RAVER1: variants seen among roughly 807,000 people sequenced by gnomAD.
The protein encoded by RAVER1 is ribonucleoprotein PTB-binding 1.
In RAVER1, 36 loss-of-function variants were observed where a neutral mutation model predicts 68.4. That is an observed-to-expected ratio of 0.53 (90% CI 0.40 to 0.70). The LOEUF (loss-of-function observed/expected upper bound fraction) is 0.70. RAVER1 is among the 30% of genes least tolerant of loss of function. The pLI is 0.00. For synonymous variants in RAVER1, 469 were observed against 472.7 expected, an observed-to-expected ratio of 0.99 and a Z score of 0.10; for missense variants, 933 against 1,019.8, an observed-to-expected ratio of 0.91 and a Z score of 1.16.
rs772005590 is a variant in RAVER1, at chr19:10,320,846, G to A, written c.1579C>T (p.Arg527Trp). ...PASNLAGKEA[R>W]GWGGAGRSRR... ...CTTCTCCCGGCGCCTCCCCAGCCCC[G>A]GGCCTCCTTACCCGCCAGGTTGCTG... The change falls in exon 9 of 13, where the codon CGG (arginine) becomes TGG (tryptophan). Residue 527 changes from arginine (R) to tryptophan (W), a missense_variant. Physicochemically the swap from Arg to Trp is moderately radical, Grantham distance 101. Coordinates refer to ENST00000617231, the MANE Select transcript of RAVER1 (RefSeq NM_133452.3). 5.3e-6 allele frequency: 8 copies of A among 1,513,126 alleles called. No individual in the cohort carries two copies. The Admixed American group carries it at 7.2e-5, about 14-fold the overall frequency. The allele number at this position is 1,513,126 out of a possible 1,614,324, so 93.7% of individuals were successfully genotyped here. A position where few individuals can be genotyped will look rare whatever the true frequency, so the allele number is the denominator to read the frequency against.
rs1329857446 is a variant in RAVER1, at chr19:10,317,509, TGG to T, written c.2163_2164del (p.Gln722GlyfsTer25). 3 of 1,613,366 alleles carry T rather than the reference TGG, an allele frequency of 1.9e-6. No homozygotes were observed. The highest frequency in any genetic ancestry group is 2.5e-6 in the Non-Finnish European group (3 of 1,179,354). On this transcript the variant is annotated frameshift_variant, in exon 13 of 13. Transcript: ENST00000617231. LOFTEE classifies it high-confidence loss of function. The surrounding 1 kb of genome is among the most constrained non-coding windows in gnomAD (Gnocchi z 4.3). ...GTCCGCGTAGTGGCCGCCGAGGCCC[TGG>T]GAGTGCTGGCCCACATAGCTGCCTT... is the stretch of plus-strand genomic sequence containing the variant.
chr19:10,317,361 G>T lies in RAVER1; in HGVS notation c.*93C>A. 1 of 1,361,190 alleles carries T rather than the reference G, an allele frequency of 7.3e-7. No individual in the cohort carries two copies. The highest frequency in any genetic ancestry group is 1.0e-6 in the Non-Finnish European group (1 of 958,940). The allele number at this position is 1,361,190 out of a possible 1,614,324, so 84.3% of individuals were successfully genotyped here. ...CAGAGATTTTTCTATTACCGAAAGA[G>T]AGAAAATGGTTTAAAAAAAACACAA... On this transcript the variant is annotated 3_prime_UTR_variant, in exon 13 of 13. Coordinates refer to ENST00000617231, the MANE Select transcript of RAVER1 (RefSeq NM_133452.3). The surrounding 1 kb of genome is among the most constrained non-coding windows in gnomAD (Gnocchi z 4.3).
At position 10,318,367 on chromosome 19, in the gene RAVER1, G is replaced by A. The variant is rs1357398976; in HGVS notation, c.1851C>T (p.Ser617=). The A allele has an allele frequency of 6.3e-7, 1 of 1,597,184 alleles. No individual in the cohort carries two copies. The highest frequency in any genetic ancestry group is 8.5e-7 in the Non-Finnish European group (1 of 1,174,118). Residue 617 remains serine (S), a synonymous_variant, in exon 11 of 13, where the codon TCC becomes TCT. Coordinates refer to ENST00000617231, the MANE Select transcript of RAVER1 (RefSeq NM_133452.3). Reference sequence around the variant, plus strand: ...GTTCGCCGAAGCCACTGGGCGGGGGGGACATCTGTAGAAGAAGGGCCGGTG... The same window carrying A: ...GTTCGCCGAAGCCACTGGGCGGGGGAGACATCTGTAGAAGAAGGGCCGGTG... The part of the protein sequence containing the change: ...GPHGPSRHKM[S]PPPSGFGERS...
At chr19:10,326,892 G>GA (rs1469161047) in intron 3 of RAVER1, among the ~76,000 whole-genome samples, 1 of 151,074 alleles carries the variant, frequency 6.6e-6, no homozygotes. Context: ...TCAGCCTCCT[G>GA]AGTAGCTGGG....
rs183670781 is a variant in RAVER1 at position 10,329,844 on chromosome 19, C to T, written c.286+616G>A. Among the ~76,000 whole-genome samples the T allele has an allele frequency of 1.5e-4, 23 of 152,210 alleles. No homozygotes were observed. The East Asian group carries it at 3.7e-3, about 24-fold the overall frequency. ...CATCTCACCGCTGCCACCCGGACCA[C>T]GCCAGGCACACTCCAGAGGGGCCTT... On this transcript the variant is annotated intron_variant, in intron 2 of 12. Transcript: ENST00000617231. The surrounding 1 kb of genome is among the most constrained non-coding windows in gnomAD (Gnocchi z 4.6).
Position 10,322,489 on chromosome 19 carries a change from G to A in RAVER1, c.1173+156C>T. The A allele has an allele frequency of 1.8e-6, 1 of 557,170 alleles. No individual in the cohort carries two copies. Among genetic ancestry groups the A allele is most frequent in the Non-Finnish European group, 3.1e-6 (1 of 319,234 alleles). The allele number at this position is 557,170 out of a possible 1,614,324, so 34.5% of individuals were successfully genotyped here. The stretch of plus-strand genomic sequence containing the variant: ...TTGCCAGAGGGGGATGGGGATGTGG[G>A]TGGGAAAGGCAGGGGTTTGGGGGAG... On this transcript the variant is annotated intron_variant, in intron 6 of 12. Transcript: ENST00000617231. This position sits in a 1 kb window ranked among gnomAD's most constrained non-coding sequence, Gnocchi z 4.3.
At position 10,331,389 on chromosome 19, in the gene RAVER1, AC is replaced by A. The variant is rs1488342707; in HGVS notation, c.220-864del. On this transcript the variant is annotated intron_variant, in intron 1 of 12. Coordinates refer to ENST00000617231, the MANE Select transcript of RAVER1 (RefSeq NM_133452.3). ...AAAAAAAAAAAAAAAAAAAATAACA[AC>A]AACAAAAAAAAAAAAAAAAAAAGAG... Among the ~76,000 whole-genome samples the A allele has an allele frequency of 1.3e-3, 118 of 92,142 alleles. 5 individuals carry two copies. The highest frequency in any genetic ancestry group is 1.7e-3 in the Non-Finnish European group (78 of 45,578). 60.4% of individuals were successfully genotyped at this position (92,142 alleles called of 152,430 possible).
Position 10,321,068 on chromosome 19 carries a change from G to T in RAVER1, c.1453C>A (p.Pro485Thr). ...GLRGLQKDSG[P>T]LPTPPGVSLL... ...CTTACCCCAGGGGGCGTCGGCAGAG[G>T]CCCACTGTCTTTCTGGAGGCCTCTG... The change falls in exon 8 of 13, where the codon CCT (proline) becomes ACT (threonine). Residue 485 changes from proline to threonine, a missense_variant. This residue lies in a region of RAVER1 where 699 missense variants were observed against 731.1 expected (regional missense o/e 0.96). Transcript: ENST00000617231. 7.3e-7 allele frequency: 1 copy of T among 1,371,568 alleles called. No individual in the cohort carries two copies. The highest frequency in any genetic ancestry group is 9.4e-7 in the Non-Finnish European group (1 of 1,064,210). 85.0% of individuals were successfully genotyped at this position (1,371,568 alleles called of 1,614,324 possible).
At position 10,318,341 on chromosome 19, in the gene RAVER1, C is replaced by A. The variant is rs372854558; in HGVS notation, c.1877G>T (p.Arg626Leu). 118 of 1,602,404 alleles carry A rather than the reference C, an allele frequency of 7.4e-5. No homozygotes were observed. Among genetic ancestry groups the A allele is most frequent in the Non-Finnish European group, 9.7e-5 (114 of 1,176,034 alleles). The change falls in exon 11 of 13, where the codon CGG (arginine) becomes CTG (leucine). Residue 626 changes from arginine to leucine, a missense_variant. Transcript: ENST00000617231. ...GCCCCCGCCACTCCCACCGCTGCTC[C>A]GTTCGCCGAAGCCACTGGGCGGGGG... is the stretch of plus-strand genomic sequence containing the variant. ...MSPPPSGFGE[R>L]SSGGSGGGPL...
chr19:10,320,599 T>C, intron 9 of RAVER1, 56 bp downstream of exon 9: 9 of 1,455,234 alleles, frequency 6.2e-6, no homozygotes, highest in African/African-American at 2.9e-5. Flanking sequence ...TAGAGAAATA[T>C]CAGTTTGGAG....
chr19:10,322,696 T>C lies in RAVER1; in HGVS notation c.1122A>G (p.Pro374=), dbSNP rs777338064. Reference sequence around the variant, plus strand: ...GCTGCAACAGCGCCGTGGACAGGGCTGGCCCATTGAGCAGCGGCATGGCTG... The same window carrying C: ...GCTGCAACAGCGCCGTGGACAGGGCCGGCCCATTGAGCAGCGGCATGGCTG... ...APPAMPLLNG[P]ALSTALLQLA... Residue 374 remains proline (P), a synonymous_variant, in exon 6 of 13, where the codon CCA becomes CCG. Transcript: ENST00000617231. This position sits in a 1 kb window ranked among gnomAD's most constrained non-coding sequence, Gnocchi z 4.3. 3.3e-6 allele frequency: 5 copies of C among 1,536,396 alleles called. No individual in the cohort carries two copies. Among genetic ancestry groups the C allele is most frequent in the Non-Finnish European group, 8.7e-7 (1 of 1,152,400 alleles).
In RAVER1 at chr19:10,316,882, A is replaced by G; in HGVS notation, c.*572T>C. On this transcript the variant is annotated 3_prime_UTR_variant, in exon 13 of 13. Coordinates refer to ENST00000617231, the MANE Select transcript of RAVER1 (RefSeq NM_133452.3). ...ATAGGCCAGATGGGCAGGCAGGGGC[A>G]GGAGACAGCCATGCCTGCAGCAAAT... 6.4e-6 allele frequency: 1 copy of G among 156,318 alleles called. No individual in the cohort carries two copies. The highest frequency in any genetic ancestry group is 1.4e-5 in the Non-Finnish European group (1 of 70,728). 9.7% of individuals were successfully genotyped at this position (156,318 alleles called of 1,614,324 possible).
Position 10,317,369 on chromosome 19 carries a change from G to T in RAVER1, c.*85C>A. On this transcript the variant is annotated 3_prime_UTR_variant, in exon 13 of 13. Transcript: ENST00000617231. This position sits in a 1 kb window ranked among gnomAD's most constrained non-coding sequence, Gnocchi z 4.3. ...TTTCTATTACCGAAAGAGAGAAAAT[G>T]GTTTAAAAAAAACACAAAACAAAAC... 7.2e-7 allele frequency: 1 copy of T among 1,397,158 alleles called. No homozygotes were observed. Among genetic ancestry groups the T allele is most frequent in the South Asian group, 1.2e-5 (1 of 84,560 alleles). The allele number at this position is 1,397,158 out of a possible 1,614,324, so 86.5% of individuals were successfully genotyped here. A position where few individuals can be genotyped will look rare whatever the true frequency, so the allele number is the denominator to read the frequency against.
chr19:10,321,300 G>A, intron 7 of RAVER1, 41 bp from the exon 8 acceptor site: 1 of 1,074,768 alleles, frequency 9.3e-7, no homozygotes. Context: ...AGGCTCACAG[G>A]ACCCCTCTCC....
In RAVER1 at chr19:10,317,826, A is replaced by C. The variant is rs2145063814; in HGVS notation, c.1990-53T>G. 1 of 1,044,658 alleles carries C rather than the reference A, an allele frequency of 9.6e-7. No individual in the cohort carries two copies. The highest frequency in any genetic ancestry group is 2.6e-5 in the East Asian group (1 of 38,786). 64.7% of individuals were successfully genotyped at this position (1,044,658 alleles called of 1,614,324 possible). On this transcript the variant is annotated intron_variant, in intron 11 of 12. Transcript: ENST00000617231. The surrounding 1 kb of genome is among the most constrained non-coding windows in gnomAD (Gnocchi z 4.3). ...TCACTCCCTGGGGGCCAGAGGAAGC[A>C]CCCACCCCGCCCCCCTGCCACTGCC...
chr19:10,327,867 C>T (rs562776413), intron 3 of RAVER1, among the ~76,000 whole-genome samples: 124 of 152,260 alleles, frequency 8.1e-4, no homozygotes, highest in South Asian at 4.1e-3. Flanking sequence ...GGCCTGTTCT[C>T]GCCCCACTGC....
In RAVER1 at chr19:10,323,453, G is replaced by A; in HGVS notation, c.870C>T (p.Ser290=). ...QQADGLSLGG[S]HLRVSFCAPG... The stretch of plus-strand genomic sequence containing the variant: ...GGGCGCAGAAGGAGACTCGCAGGTG[G>A]CTGCCCCCCAGGGACAGGCCGTCCG... Residue 290 remains serine, a synonymous_variant, in exon 4 of 13, where the codon AGC becomes AGT. Transcript: ENST00000617231. This position sits in a 1 kb window ranked among gnomAD's most constrained non-coding sequence, Gnocchi z 6.2. 2 of 1,609,576 alleles carry A rather than the reference G, an allele frequency of 1.2e-6. No individual in the cohort carries two copies. The highest frequency in any genetic ancestry group is 8.5e-7 in the Non-Finnish European group (1 of 1,179,350).
At position 10,322,190 on chromosome 19, in the gene RAVER1, G is replaced by GT. The variant is rs1240255740; in HGVS notation, c.1173+454dup. ...TCTCTGTGTGTATATTTGCATCTTT[G>GT]TATGTGTGAGTCTATATGTATACCT... is the stretch of plus-strand genomic sequence containing the variant. On this transcript the variant is annotated intron_variant, in intron 6 of 12. Coordinates refer to ENST00000617231, the MANE Select transcript of RAVER1 (RefSeq NM_133452.3). The surrounding 1 kb of genome is among the most constrained non-coding windows in gnomAD (Gnocchi z 4.3). 5.8e-6 allele frequency: 1 copy of GT among 171,770 alleles called. No individual in the cohort carries two copies. The highest frequency in any genetic ancestry group is 6.4e-5 in the Admixed American group (1 of 15,608). 10.6% of individuals were successfully genotyped at this position (171,770 alleles called of 1,614,324 possible).
chr19:10,317,380 AAC>A lies in RAVER1; in HGVS notation c.*72_*73del, dbSNP rs1200083119. 1 of 1,501,314 alleles carries A rather than the reference AAC, an allele frequency of 6.7e-7. No homozygotes were observed. Among genetic ancestry groups the A allele is most frequent in the Admixed American group, 1.8e-5 (1 of 55,864 alleles). 93.0% of individuals were successfully genotyped at this position (1,501,314 alleles called of 1,614,324 possible). ...GAAAGAGAGAAAATGGTTTAAAAAAAACACAAAACAAAACATCAGAAAACCCA... is the reference window on the plus strand; with the variant it reads ...GAAAGAGAGAAAATGGTTTAAAAAAAACAAAACAAAACATCAGAAAACCCA... On this transcript the variant is annotated 3_prime_UTR_variant, in exon 13 of 13. Transcript: ENST00000617231. The surrounding 1 kb of genome is among the most constrained non-coding windows in gnomAD (Gnocchi z 4.3).
Sources: gnomAD v4.1 joint callset for allele counts (sites outside exome capture counted in the v4.1 genomes callset) on GRCh38, gnomAD v4.1.1 for gene constraint, gnomAD v4.1.1 regional missense constraint, Gnocchi (gnomAD v3.1) non-coding constraint, MANE v1.5 for transcripts, NCBI Gene and HGNC (gene_info 2026-07-23, HGNC 2026-07-21) for gene names.